PTPRC: variants seen among roughly 807,000 people sequenced by gnomAD.
PTPRC encodes the protein protein tyrosine phosphatase receptor type C, also known as receptor-type tyrosine-protein phosphatase C.
A neutral mutation model predicts 155.9 loss-of-function variants in PTPRC; 44 were observed. The ratio of observed to expected loss-of-function variants is 0.28; its 90% confidence interval spans 0.22 to 0.36. The LOEUF is 0.36. Ranked by LOEUF, PTPRC falls within the 10% of genes least tolerant of loss-of-function variation. PTPRC has a pLI of 1.00. For missense variants in PTPRC, 1,401 were observed against 1,564.6 expected, an observed-to-expected ratio of 0.90 and a Z score of 1.76; for synonymous variants, 525 against 533.1, an observed-to-expected ratio of 0.98 and a Z score of 0.21.
At chr1:198,665,249 C>T (rs1175696092) in intron 2 of PTPRC, among the ~76,000 whole-genome samples, 1 of 151,304 alleles carries the variant, frequency 6.6e-6, no homozygotes, top group Non-Finnish European at 1.5e-5. Context: ...GCCGCCACGC[C>T]TGGCTAATTT....
Position 198,718,178 on chromosome 1 carries a change from A to G in PTPRC, c.1535A>G (p.Asn512Ser), listed in dbSNP as rs776508151. 2 of 1,613,890 alleles carry G rather than the reference A, an allele frequency of 1.2e-6. No homozygotes were observed. Among genetic ancestry groups the G allele is most frequent in the Admixed American group, 3.3e-5 (2 of 60,016 alleles). The change falls in exon 14 of 33, where the codon AAT becomes AGT. Residue 512 changes from asparagine (N) to serine (S), a missense_variant. Around this residue, in one of 3 missense-constraint regions of PTPRC, gnomAD observed 867 missense variants for 970.4 expected, o/e 0.89. Coordinates refer to ENST00000442510, the MANE Select transcript of PTPRC (RefSeq NM_002838.5). Reference sequence around the variant, plus strand: ...AAGTGTAGGCCTCCCAGGGACCGTAATGGCCCCCATGAACGTTACCATTTG... The same window carrying G: ...AAGTGTAGGCCTCCCAGGGACCGTAGTGGCCCCCATGAACGTTACCATTTG... Reference protein sequence around the residue: ...HVKCRPPRDRNGPHERYHLEV... With the variant: ...HVKCRPPRDRSGPHERYHLEV...
At chr1:198,663,662 T>C (rs1234659585) in intron 2 of PTPRC, among the ~76,000 whole-genome samples, 1 of 152,218 alleles carries the variant, frequency 6.6e-6, no homozygotes, top group Non-Finnish European at 1.5e-5. Flanking sequence ...CAGGCTTTAA[T>C]AACTAGATTT....
chr1:198,741,958 C>G lies in PTPRC; in HGVS notation c.2493C>G (p.Leu831=). Residue 831 remains leucine (L), a synonymous_variant, in exon 24 of 33, where the codon CTC becomes CTG. Transcript: ENST00000442510. ...GGGTGCCTGAGGATCCTCACTTGCT[C>G]CTCAAACTGAGAAGGAGAGTGAATG... ...DHGVPEDPHL[L]LKLRRRVNAF... is the part of the protein sequence containing the mutation. 1 of 1,612,168 alleles carries G rather than the reference C, an allele frequency of 6.2e-7. No individual in the cohort carries two copies. Among genetic ancestry groups the G allele is most frequent in the Non-Finnish European group, 8.5e-7 (1 of 1,178,998 alleles).
intron 2 of PTPRC, among the ~76,000 whole-genome samples, chr1:198,688,907 G>A (rs1665775999): frequency 1.3e-5 from 2 of 152,126 alleles, no homozygotes; most frequent in African/African-American, 4.8e-5. Flanking sequence ...ACATATACTA[G>A]ACTGGCCTTG....
At chr1:198,671,638 T>C (rs572233610) in intron 2 of PTPRC, among the ~76,000 whole-genome samples, 1 of 152,354 alleles carries the variant, frequency 6.6e-6, no homozygotes, top group South Asian at 2.1e-4. Context: ...AACTATGCAC[T>C]AGACACTTCC....
intron 2 of PTPRC, among the ~76,000 whole-genome samples, chr1:198,643,500 T>C (rs1326457014): frequency 1.3e-5 from 2 of 151,854 alleles, no homozygotes; most frequent in Non-Finnish European, 2.9e-5. Flanking sequence ...ATTAAGTTGA[T>C]TTTGGATCTA....
At chr1:198,715,612 A>C (rs1653547829) in intron 12 of PTPRC, among the ~76,000 whole-genome samples, 1 of 151,864 alleles carries the variant, frequency 6.6e-6, no homozygotes, top group Non-Finnish European at 1.5e-5. Flanking sequence ...GTTGCTGGAA[A>C]TTATTTTGTG....
intron 22 of PTPRC, 107 bp downstream of exon 22, chr1:198,734,532 G>T: frequency 1.0e-6 from 1 of 968,012 alleles, no homozygotes. Flanking sequence ...AAAACAGAGA[G>T]TTCTCTATTT....
At chr1:198,662,873 G>A (rs754933410) in intron 2 of PTPRC, among the ~76,000 whole-genome samples, 3 of 152,096 alleles carry the variant, frequency 2.0e-5, no homozygotes, top group Admixed American at 6.5e-5. Flanking sequence ...TTCCTCCAAC[G>A]TAAGGATCTC....
chr1:198,715,000 T>G (rs1016123732), intron 12 of PTPRC, among the ~76,000 whole-genome samples: 4 of 152,212 alleles, frequency 2.6e-5, no homozygotes, highest in Non-Finnish European at 5.9e-5. Flanking sequence ...TCAACTATTT[T>G]AATAACTCAG....
intron 23 of PTPRC, among the ~76,000 whole-genome samples, chr1:198,738,123 C>T (rs1285663686): frequency 1.3e-5 from 2 of 151,742 alleles, no homozygotes; most frequent in East Asian, 3.9e-4. Flanking sequence ...TGGACTTCTT[C>T]CTTTCCAATT....
chr1:198,658,561 T>C (rs1462824471), intron 2 of PTPRC, among the ~76,000 whole-genome samples: 1 of 152,128 alleles, frequency 6.6e-6, no homozygotes, highest in Non-Finnish European at 1.5e-5. Flanking sequence ...TGTCCTGAAG[T>C]GGTAACTTTG....
intron 16 of PTPRC, among the ~76,000 whole-genome samples, 194 bp downstream of exon 16, chr1:198,728,642 A>G (rs1290232687): frequency 6.6e-6 from 1 of 152,164 alleles, no homozygotes; most frequent in Non-Finnish European, 1.5e-5. Flanking sequence ...AAACATTAAT[A>G]TTATTTTCTA....
intron 2 of PTPRC, among the ~76,000 whole-genome samples, chr1:198,651,655 C>T (rs909477647): frequency 6.6e-5 from 10 of 151,750 alleles, no homozygotes; most frequent in Admixed American, 6.6e-4. Context: ...TAAATGTTAT[C>T]TCATTTAACA....
At chr1:198,740,099 C>T (rs1192995081) in intron 23 of PTPRC, among the ~76,000 whole-genome samples, 1 of 151,526 alleles carries the variant, frequency 6.6e-6, no homozygotes, top group East Asian at 2.0e-4. Context: ...TAAGAGTAAG[C>T]ACCTACATTA....
rs1248297177 is a variant in PTPRC, at chr1:198,706,900, T to G, written c.852T>G (p.Ser284=). The G allele has an allele frequency of 6.2e-7, 1 of 1,613,148 alleles. No homozygotes were observed. Among genetic ancestry groups the G allele is most frequent in the African/African-American group, 1.3e-5 (1 of 74,924 alleles). ...GTAAAAATGCGTCTGTTTCCATATC[T>G]CATAATTCATGTACTGCTCCTGATA... ...TECKNASVSI[S]HNSCTAPDKT... Residue 284 remains serine (S), a synonymous_variant, in exon 9 of 33, where the codon TCT becomes TCG. Coordinates refer to ENST00000442510, the MANE Select transcript of PTPRC (RefSeq NM_002838.5).
chr1:198,744,382 A>G (rs1007294103), intron 26 of PTPRC, among the ~76,000 whole-genome samples, 179 bp downstream of exon 26: 2 of 151,878 alleles, frequency 1.3e-5, no homozygotes, highest in Non-Finnish European at 2.9e-5. Flanking sequence ...GAATCTACAC[A>G]ACTATTACAT....
chr1:198,704,450 A>T (rs1366648485), intron 7 of PTPRC, 22 bp from the exon 8 acceptor site: 2 of 1,613,852 alleles, frequency 1.2e-6, no homozygotes, highest in African/African-American at 2.7e-5. Flanking sequence ...TTAATAATTT[A>T]CATTTTTTTT....
Position 198,708,375 on chromosome 1 carries a change from C to A in PTPRC, c.1033+114C>A. The A allele has an allele frequency of 3.9e-6, 4 of 1,030,388 alleles. No individual in the cohort carries two copies. In the South Asian group the frequency reaches 6.5e-5, roughly 17 times the overall value. The allele number at this position is 1,030,388 out of a possible 1,614,324, so 63.8% of individuals were successfully genotyped here. A position where few individuals can be genotyped will look rare whatever the true frequency, so the allele number is the denominator to read the frequency against. On this transcript the variant is annotated intron_variant, in intron 10 of 32. Transcript: ENST00000442510. ...CTTCCTCCCTGCCTCTCTTGTTCTC[C>A]CTCTGTTTGTCTTTTTTCTTTCTTG...
Sources: allele counts gnomAD v4.1 joint callset (sites outside exome capture counted in the v4.1 genomes callset), GRCh38; gene constraint gnomAD v4.1.1; regional missense constraint gnomAD v4.1.1; transcripts MANE v1.5; gene names NCBI Gene and HGNC (gene_info 2026-07-23, HGNC 2026-07-21).